ELAVL2: variants seen among roughly 807,000 people sequenced by gnomAD.
The protein encoded by ELAVL2 is ELAV-like protein 2.
In ELAVL2, 4 loss-of-function variants were observed where a neutral mutation model predicts 34.6. The observed-to-expected ratio is 0.12, with a 90% CI of 0.06 to 0.26. The LOEUF (loss-of-function observed/expected upper bound fraction) is 0.26, where lower values mean the gene tolerates loss of function less well. Ranked by LOEUF, ELAVL2 falls within the 10% of genes least tolerant of loss-of-function variation. ELAVL2 has a pLI of 1.00. For missense variants in ELAVL2, 432 were observed against 442.8 expected (o/e 0.98, Z 0.22); for synonymous variants, 193 against 154.8 (o/e 1.25, Z -1.83).
intron 1 of ELAVL2, among the ~76,000 whole-genome samples, chr9:23,791,934 C>A (rs987178066): frequency 6.6e-6 from 1 of 152,210 alleles, no homozygotes; most frequent in Non-Finnish European, 1.5e-5. Flanking sequence ...GTCTTTTCCT[C>A]TCATTGCTGC....
At chr9:23,800,722 T>A (rs2061477743) in intron 1 of ELAVL2, among the ~76,000 whole-genome samples, 1 of 152,280 alleles carries the variant, frequency 6.6e-6, no homozygotes, top group East Asian at 1.9e-4. Flanking sequence ...TAAAATAACT[T>A]ACAGTAAAAG....
intron 2 of ELAVL2, among the ~76,000 whole-genome samples, chr9:23,731,982 A>G (rs1482880473): frequency 1.3e-5 from 2 of 152,222 alleles, no homozygotes; most frequent in African/African-American, 4.8e-5. Flanking sequence ...GAATGCAAAG[A>G]TAACTAAAGT....
chr9:23,702,971 A>AAAAAAC (rs2037922453), intron 4 of ELAVL2, among the ~76,000 whole-genome samples: 1 of 146,602 alleles, frequency 6.8e-6, no homozygotes, highest in Admixed American at 6.8e-5. Flanking sequence ...AAAAAAAAAA[A>AAAAAAC]AAAAAAAAAA....
chr9:23,706,206 T>C (rs2039278387), intron 3 of ELAVL2, among the ~76,000 whole-genome samples: 1 of 152,184 alleles, frequency 6.6e-6, no homozygotes, highest in Admixed American at 6.5e-5. Flanking sequence ...AGATACGGTA[T>C]ACCAAATCCC....
the ELAVL2 span, among the ~76,000 whole-genome samples, chr9:23,838,637 A>C: frequency 6.6e-6 from 1 of 151,600 alleles, no homozygotes; most frequent in Non-Finnish European, 1.5e-5. Flanking sequence ...TCCTTCCCTT[A>C]CTGACTATCT....
intron 2 of ELAVL2, among the ~76,000 whole-genome samples, chr9:23,741,625 C>T (rs1252336156): frequency 6.6e-6 from 1 of 152,090 alleles, no homozygotes; most frequent in African/African-American, 2.4e-5. Context: ...ACAGAGTCCC[C>T]ACTGCAAAAT....
At chr9:23,696,291 A>G (rs1332185348) in intron 5 of ELAVL2, among the ~76,000 whole-genome samples, 1 of 152,048 alleles carries the variant, frequency 6.6e-6, no homozygotes, top group Non-Finnish European at 1.5e-5. Context: ...GGAGCTCAGA[A>G]AAGGCAACGG....
At chr9:23,778,033 G>C (rs1247180024) in intron 1 of ELAVL2, among the ~76,000 whole-genome samples, 1 of 152,122 alleles carries the variant, frequency 6.6e-6, no homozygotes, top group East Asian at 1.9e-4. Context: ...TAAGGGCATG[G>C]TGAACAAAAC....
At chr9:23,824,417 C>T (rs1435624018) in intron 1 of ELAVL2, among the ~76,000 whole-genome samples, 2 of 152,310 alleles carry the variant, frequency 1.3e-5, no homozygotes, top group East Asian at 3.9e-4. Flanking sequence ...TCGCAGAGTC[C>T]AGTCCGGGAG....
In ELAVL2 at chr9:23,702,973, A is replaced by AAC. The variant is rs1422170631; in HGVS notation, c.488-1370_488-1369insGT. Among the ~76,000 whole-genome samples, 433 of 145,406 alleles carry AAC rather than the reference A, an allele frequency of 3.0e-3. 13 individuals carry two copies. In the East Asian group the frequency reaches 0.039, roughly 13 times the overall value. On this transcript the variant is annotated intron_variant, in intron 4 of 6. Coordinates refer to ENST00000397312, the MANE Select transcript of ELAVL2 (RefSeq NM_004432.5). Reference sequence around the variant, plus strand: ...TAGCAAAAAAAAAAAAAAAAAAAAAAAAAAAAAACAGCCTCTACACAGCTA... The same window carrying AAC: ...TAGCAAAAAAAAAAAAAAAAAAAAAAACAAAAAAAACAGCCTCTACACAGCTA...
At chr9:23,740,306 A>G (rs2135138523) in intron 2 of ELAVL2, among the ~76,000 whole-genome samples, 1 of 152,344 alleles carries the variant, frequency 6.6e-6, no homozygotes, top group South Asian at 2.1e-4. Flanking sequence ...GGCTACATGT[A>G]AATACATCTG....
In ELAVL2 at chr9:23,762,002, T is replaced by C; in HGVS notation, c.229+4A>G. The C allele has an allele frequency of 6.2e-7, 1 of 1,609,882 alleles. No individual in the cohort carries two copies. Among genetic ancestry groups the C allele is most frequent in the Middle Eastern group, 1.7e-4 (1 of 6,036 alleles). On this transcript the variant is annotated splice_donor_region_variant and intron_variant, in intron 2 of 6. Transcript: ENST00000397312. ...ATATAAATCATCTACATAAAACTGC[T>C]TACCTGTTATTTTGTCTCTTACAAG... is the stretch of plus-strand genomic sequence containing the variant.
chr9:23,765,228 T>A, intron 1 of ELAVL2: 1 of 731,952 alleles, frequency 1.4e-6, no homozygotes. Flanking sequence ...TTAATTGAAA[T>A]TGAGGCAATT....
chr9:23,780,884 T>C (rs547472396), intron 1 of ELAVL2, among the ~76,000 whole-genome samples: 1 of 152,246 alleles, frequency 6.6e-6, no homozygotes, highest in Admixed American at 6.5e-5. Context: ...CATAAAACAG[T>C]CAGGGTTAGG....
intron 1 of ELAVL2, among the ~76,000 whole-genome samples, chr9:23,778,613 T>C (rs927491931): frequency 4.6e-5 from 7 of 152,146 alleles, no homozygotes; most frequent in African/African-American, 1.4e-4. Flanking sequence ...AAGAGTATCA[T>C]AGCCTAAATG....
intron 2 of ELAVL2, among the ~76,000 whole-genome samples, chr9:23,748,913 G>A (rs2051191792): frequency 1.3e-5 from 2 of 151,972 alleles, no homozygotes; most frequent in South Asian, 4.1e-4. Flanking sequence ...ATTTATATGG[G>A]GTACCGAGAA....
chr9:23,693,365 G>C (rs2033894677), intron 6 of ELAVL2, 83 bp downstream of exon 6: 1 of 1,509,340 alleles, frequency 6.6e-7, no homozygotes, highest in Non-Finnish European at 9.1e-7. Flanking sequence ...AAACTTATGA[G>C]GGGTGTGAAT....
chr9:23,848,929 G>A, the ELAVL2 span, among the ~76,000 whole-genome samples: 41 of 152,152 alleles, frequency 2.7e-4, no homozygotes, highest in Non-Finnish European at 8.8e-5. Context: ...TTCTCTCCAT[G>A]GCAACAGCCC....
In ELAVL2 at chr9:23,700,929, C is replaced by G. The variant is rs577903182; in HGVS notation, c.713+450G>C. Among the ~76,000 whole-genome samples the G allele has an allele frequency of 2.0e-5, 3 of 152,066 alleles. No individual in the cohort carries two copies. The South Asian group carries it at 6.2e-4, about 32-fold the overall frequency. On this transcript the variant is annotated intron_variant, in intron 5 of 6. Transcript: ENST00000397312. ...AGCCCTGGAAACAATTCAGATAACC[C>G]CAGAAAGCTACAGATTAGAATTTCT...
Sources: allele counts gnomAD v4.1 joint callset (sites outside exome capture counted in the v4.1 genomes callset), GRCh38; gene constraint gnomAD v4.1.1; transcripts MANE v1.5; gene names NCBI Gene and HGNC (gene_info 2026-07-23, HGNC 2026-07-21).